Variants in EGF observed in about 807,000 individuals in gnomAD.
EGF encodes pro-epidermal growth factor.
In EGF, 95 loss-of-function variants were observed where a neutral mutation model predicts 143.8. The ratio of observed to expected loss-of-function variants is 0.66; its 90% CI spans 0.56 to 0.78. The LOEUF (loss-of-function observed/expected upper bound fraction) is 0.78, where lower values mean the gene tolerates loss of function less well. Among genes scored for constraint, EGF ranks in the 30% least tolerant of loss-of-function variants. EGF has a pLI of 0.00. For missense variants in EGF, 1,320 were observed against 1,470.9 expected (o/e 0.90, Z 1.68); for synonymous variants, 510 against 510.5 (o/e 1.00, Z 0.01).
At chr4:109,922,327 A>G (rs1442205490) in intron 1 of EGF, among the ~76,000 whole-genome samples, 2 of 151,604 alleles carry the variant, frequency 1.3e-5, no homozygotes, top group Non-Finnish European at 2.9e-5. Flanking sequence ...GTATTTGAAG[A>G]AAAATGTTCA....
Position 109,999,793 on chromosome 4 carries a change from G to T in EGF, c.3120G>T (p.Val1040=). 6.2e-7 allele frequency: 1 copy of T among 1,614,002 alleles called. No homozygotes were observed. Among genetic ancestry groups the T allele is most frequent in the South Asian group, 1.1e-5 (1 of 91,054 alleles). The change falls in exon 21 of 24, where the codon GTG becomes GTT. Residue 1040 remains valine (V), a synonymous_variant. Transcript: ENST00000265171. ...AGGTCATCGTGGTGGCTGTCTGCGT[G>T]GTGGTGCTTGTCATGCTGCTCCTCC... The part of the protein sequence containing the change: ...QQKVIVVAVC[V]VVLVMLLLLS...
intron 1 of EGF, among the ~76,000 whole-genome samples, chr4:109,916,454 C>T (rs1442015796): frequency 6.6e-6 from 1 of 151,956 alleles, no homozygotes; most frequent in Non-Finnish European, 1.5e-5. Context: ...GTCTCATTTT[C>T]CTTACCCTAA....
At chr4:109,982,383 A>C (rs1749509876) in intron 15 of EGF, among the ~76,000 whole-genome samples, 1 of 151,712 alleles carries the variant, frequency 6.6e-6, no homozygotes, top group African/African-American at 2.4e-5. Flanking sequence ...GCTGGAGTGC[A>C]GTGGCAAGAT....
chr4:109,921,609 A>G (rs1737795801), intron 1 of EGF, among the ~76,000 whole-genome samples: 1 of 151,536 alleles, frequency 6.6e-6, no homozygotes, highest in Admixed American at 6.6e-5. Flanking sequence ...TCCTTCCTCC[A>G]TTCAGACTAA....
chr4:109,914,440 G>T (rs1469877679), intron 1 of EGF, among the ~76,000 whole-genome samples: 2 of 152,186 alleles, frequency 1.3e-5, no homozygotes, highest in Non-Finnish European at 2.9e-5. Context: ...AAAGAGAGCA[G>T]AATGGAGCCA....
chr4:109,980,698 T>G (rs1271285375), intron 14 of EGF, 128 bp from the exon 15 acceptor site: 2 of 1,016,698 alleles, frequency 2.0e-6, no homozygotes, highest in Non-Finnish European at 3.1e-6. Flanking sequence ...TGATATACCC[T>G]CTATTTAGAT....
chr4:110,011,149 C>T, intron 23 of EGF, 53 bp from the exon 24 acceptor site: 1 of 1,602,452 alleles, frequency 6.2e-7, no homozygotes, highest in Non-Finnish European at 8.5e-7. Flanking sequence ...GTCTGTCTTG[C>T]CTATCTATTG....
chr4:110,011,139 G>A (rs1753944422), intron 23 of EGF, 63 bp from the exon 24 acceptor site: 3 of 1,589,468 alleles, frequency 1.9e-6, no homozygotes, highest in Non-Finnish European at 2.6e-6. Flanking sequence ...ACCGTTTAGG[G>A]TCTGTCTTGC....
At chr4:109,975,596 T>C (rs570731058) in intron 12 of EGF, among the ~76,000 whole-genome samples, 1 of 152,366 alleles carries the variant, frequency 6.6e-6, no homozygotes, top group South Asian at 2.1e-4. Context: ...TTCCTTTATG[T>C]TGTAGTTTTA....
intron 19 of EGF, among the ~76,000 whole-genome samples, chr4:109,993,974 C>T (rs1370850677): frequency 6.6e-6 from 1 of 151,714 alleles, no homozygotes; most frequent in Admixed American, 6.6e-5. Context: ...TTTTGCCTGT[C>T]AGCCCTATAA....
intron 10 of EGF, among the ~76,000 whole-genome samples, chr4:109,967,146 GTTC>G (rs1411747623): frequency 2.0e-5 from 3 of 152,110 alleles, no homozygotes; most frequent in Admixed American, 6.5e-5. Context: ...GTTTCTTTTA[GTTC>G]TTCTTCTAGG....
intron 13 of EGF, among the ~76,000 whole-genome samples, 174 bp downstream of exon 13, chr4:109,976,409 G>A (rs1022195202): frequency 3.3e-5 from 5 of 152,236 alleles, no homozygotes; most frequent in East Asian, 1.9e-4. Context: ...ATTGGAATAC[G>A]GGGTAAAAAA....
intron 1 of EGF, among the ~76,000 whole-genome samples, chr4:109,932,469 C>T (rs1471711614): frequency 6.7e-6 from 1 of 148,986 alleles, no homozygotes; most frequent in East Asian, 2.0e-4. Flanking sequence ...AGCTCCACCA[C>T]CCGGGTTCAC....
chr4:109,955,529 A>G (rs1164355058), intron 5 of EGF, among the ~76,000 whole-genome samples: 1 of 152,186 alleles, frequency 6.6e-6, no homozygotes, highest in African/African-American at 2.4e-5. Context: ...GGCAGAGGAG[A>G]ATAGTGATTT....
At chr4:109,941,644 A>C (rs1741947908) in intron 2 of EGF, among the ~76,000 whole-genome samples, 1 of 152,194 alleles carries the variant, frequency 6.6e-6, no homozygotes, top group Non-Finnish European at 1.5e-5. Flanking sequence ...CCCAGAATAA[A>C]GAATTGTCCA....
chr4:110,008,327 C>A, intron 23 of EGF, 97 bp downstream of exon 23: 1 of 1,371,514 alleles, frequency 7.3e-7, no homozygotes, highest in Non-Finnish European at 1.0e-6. Context: ...CACACACACA[C>A]AAACAAAATA....
chr4:109,985,419 C>A (rs546270819), intron 16 of EGF, among the ~76,000 whole-genome samples: 37 of 152,294 alleles, frequency 2.4e-4, no homozygotes, highest in African/African-American at 8.7e-4. Flanking sequence ...CTTAACGTGG[C>A]CTTTTGGGCC....
intron 5 of EGF, among the ~76,000 whole-genome samples, chr4:109,951,146 AAAAATAAAATAAAATAAAATAAAAT>A (rs59869160): frequency 4.2e-4 from 56 of 132,992 alleles, no homozygotes; most frequent in African/African-American, 1.4e-3. Context: ...GTCTCTACTA[AAAAATAAAATAAAATAAAATAAAAT>A]AAAATAAAAT....
At chr4:109,917,692 C>T (rs1288138133) in intron 1 of EGF, among the ~76,000 whole-genome samples, 1 of 152,130 alleles carries the variant, frequency 6.6e-6, no homozygotes, top group East Asian at 1.9e-4. Flanking sequence ...ATGATCTTGG[C>T]TCACTGCAAC....
Sources: allele counts gnomAD v4.1 joint callset (sites outside exome capture counted in the v4.1 genomes callset), GRCh38; gene constraint gnomAD v4.1.1; transcripts MANE v1.5; gene names NCBI Gene and HGNC (gene_info 2026-07-23, HGNC 2026-07-21).